The following VSTM1 variants were observed in gnomAD, a reference collection of about 807,000 sequenced individuals.
VSTM1 encodes the protein V-set and transmembrane domain containing 1.
VSTM1 carries 27 observed loss-of-function variants against 33.1 expected under a neutral mutation model. The observed-to-expected ratio is 0.82, with a 90% CI of 0.60 to 1.12. VSTM1 has a LOEUF of 1.12. Among genes scored for constraint, VSTM1 ranks in the 50% most tolerant of loss-of-function variants. The pLI is 0.00. For missense variants in VSTM1, 304 were observed against 288.9 expected, an observed-to-expected ratio of 1.05 and a Z score of -0.38; for synonymous variants, 115 against 110.3, an observed-to-expected ratio of 1.04 and a Z score of -0.27.
chr19:54,059,245 G>C (rs1159117809), intron 1 of VSTM1, among the ~76,000 whole-genome samples: 1 of 151,788 alleles, frequency 6.6e-6, no homozygotes, highest in Non-Finnish European at 1.5e-5. Context: ...ATTTTTAGTA[G>C]AGACAGGGTC....
intron 4 of VSTM1, among the ~76,000 whole-genome samples, chr19:54,049,977 G>T (rs1330789320): frequency 6.7e-6 from 1 of 149,450 alleles, no homozygotes; most frequent in Admixed American, 6.8e-5. Context: ...GCTGCCAAAA[G>T]CTCTAACTTT....
At chr19:54,050,013 T>TTC (rs2070763784) in intron 4 of VSTM1, among the ~76,000 whole-genome samples, 1 of 146,834 alleles carries the variant, frequency 6.8e-6, no homozygotes, top group African/African-American at 2.5e-5. Context: ...TTTTTTTTTT[T>TTC]TTGGAGACAG....
At chr19:54,049,079 G>A (rs534598818) in intron 4 of VSTM1, among the ~76,000 whole-genome samples, 31 of 152,064 alleles carry the variant, frequency 2.0e-4, no homozygotes, top group African/African-American at 6.0e-4. Flanking sequence ...GCAAGACTCC[G>A]TCTCAAAAAA....
chr19:54,048,654 A>T (rs187452424), intron 4 of VSTM1, among the ~76,000 whole-genome samples: 1 of 152,296 alleles, frequency 6.6e-6, no homozygotes, highest in Non-Finnish European at 1.5e-5. Flanking sequence ...TAGTCACCAT[A>T]TGTCCTAGCA....
At chr19:54,056,847 A>C (rs998864408) in intron 3 of VSTM1, among the ~76,000 whole-genome samples, 4 of 137,096 alleles carry the variant, frequency 2.9e-5, no homozygotes, top group Admixed American at 7.6e-5. Context: ...TGTTGCATCT[A>C]TCCTTCTTCT....
rs1232445178 is a variant in VSTM1, at chr19:54,063,847, C to G, written c.-70G>C. On this transcript the variant is annotated 5_prime_UTR_variant, in exon 1 of 9. Coordinates refer to ENST00000338372, the MANE Select transcript of VSTM1 (RefSeq NM_198481.4). The stretch of plus-strand genomic sequence containing the variant: ...CTTCAAAGGCGGAGCGGGACTGGGC[C>G]GGCCGCAGCTCTCCGGCTGCCCGGT... 1 of 1,562,242 alleles carries G rather than the reference C, an allele frequency of 6.4e-7. No homozygotes were observed. Among genetic ancestry groups the G allele is most frequent in the African/African-American group, 1.4e-5 (1 of 72,894 alleles).
At chr19:54,042,516 T>TG in intron 4 of VSTM1, 147 bp from the exon 5 acceptor site, 1 of 1,249,918 alleles carries the variant, frequency 8.0e-7, no homozygotes, top group Non-Finnish European at 1.1e-6. Context: ...CCTATTGCTT[T>TG]GGGGAATTTC....
At chr19:54,049,881 A>G (rs1035631512) in intron 4 of VSTM1, among the ~76,000 whole-genome samples, 11 of 152,130 alleles carry the variant, frequency 7.2e-5, no homozygotes, top group African/African-American at 2.4e-4. Context: ...GACTTGCTGA[A>G]AGGAAGGATG....
chr19:54,047,607 C>A (rs2070660194), intron 4 of VSTM1, among the ~76,000 whole-genome samples: 1 of 152,112 alleles, frequency 6.6e-6, no homozygotes, highest in Non-Finnish European at 1.5e-5. Context: ...ACAATTCTAT[C>A]AGTGCATCTC....
At chr19:54,058,098 G>T (rs2071189967) in intron 3 of VSTM1, among the ~76,000 whole-genome samples, 1 of 151,634 alleles carries the variant, frequency 6.6e-6, no homozygotes, top group East Asian at 2.0e-4. Flanking sequence ...CAATTAGCTG[G>T]GCGTGGTGGC....
At chr19:54,056,367 G>A (rs114468540) in intron 3 of VSTM1, among the ~76,000 whole-genome samples, 1,989 of 137,136 alleles carry the variant, frequency 0.015, 290 homozygotes, top group African/African-American at 0.038. Flanking sequence ...AAGCACAGGT[G>A]CACACCACCA....
chr19:54,042,425 G>A (rs2070337525), intron 4 of VSTM1, 56 bp from the exon 5 acceptor site: 21 of 1,571,510 alleles, frequency 1.3e-5, no homozygotes, highest in Non-Finnish European at 1.6e-5. Context: ...TCCACTGATA[G>A]GGGCGAGCCG....
intron 3 of VSTM1, among the ~76,000 whole-genome samples, chr19:54,051,731 T>C (rs1283888272): frequency 6.6e-6 from 1 of 152,152 alleles, no homozygotes; most frequent in Non-Finnish European, 1.5e-5. Flanking sequence ...CAGTCTTCTC[T>C]ATCTTGACAA....
intron 4 of VSTM1, chr19:54,048,364 C>T (rs1223509647): frequency 1.2e-5 from 5 of 401,842 alleles, no homozygotes; most frequent in South Asian, 6.9e-5. Flanking sequence ...GATCCTCCTG[C>T]CTCATCTTCC....
chr19:54,042,412 A>G (rs2070336090), intron 4 of VSTM1, 43 bp from the exon 5 acceptor site: 8 of 1,597,876 alleles, frequency 5.0e-6, no homozygotes, highest in Non-Finnish European at 6.8e-6. Context: ...CTGGCTCCTG[A>G]AATCCACTGA....
intron 4 of VSTM1, among the ~76,000 whole-genome samples, chr19:54,051,169 G>T (rs745973589): frequency 4.7e-4 from 72 of 152,080 alleles, no homozygotes; most frequent in Non-Finnish European, 8.1e-4. Context: ...GTGCGTGCCT[G>T]TAGTCCCAGC....
At chr19:54,044,183 TC>T (rs1379551361) in intron 4 of VSTM1, among the ~76,000 whole-genome samples, 1 of 152,030 alleles carries the variant, frequency 6.6e-6, no homozygotes, top group African/African-American at 2.4e-5. Flanking sequence ...GAGACATGAT[TC>T]CCCAAGACAC....
In VSTM1 at chr19:54,058,416, G is replaced by C; in HGVS notation, c.245C>G (p.Pro82Arg). 2.0e-5 allele frequency: 32 copies of C among 1,614,082 alleles called. No homozygotes were observed. The highest frequency in any genetic ancestry group is 2.6e-5 in the Non-Finnish European group (31 of 1,180,014). The change falls in exon 3 of 9, where the codon CCC becomes CGC. Residue 82 changes from proline (P) to arginine (R), a missense_variant. By Grantham distance (103) the Pro-to-Arg change is moderately radical (BLOSUM62 -2). Transcript: ENST00000338372. ...ATCCTTAGGCTTCAGGTCCGTGAAGGGGAATTCAGCTTCGTTTTCTGCCGA... is the reference window on the plus strand; with the variant it reads ...ATCCTTAGGCTTCAGGTCCGTGAAGCGGAATTCAGCTTCGTTTTCTGCCGA... ...QSSAENEAEF[P>R]FTDLKPKDAG...
chr19:54,045,713 C>G (rs2070546257), intron 4 of VSTM1, among the ~76,000 whole-genome samples: 1 of 152,030 alleles, frequency 6.6e-6, no homozygotes, highest in Non-Finnish European at 1.5e-5. Flanking sequence ...TATCCACCTA[C>G]TTATCTAATT....
Sources: gnomAD v4.1 joint callset for allele counts (sites outside exome capture counted in the v4.1 genomes callset) on GRCh38, gnomAD v4.1.1 for gene constraint, MANE v1.5 for transcripts, NCBI Gene and HGNC (gene_info 2026-07-23, HGNC 2026-07-21) for gene names.